The following ZAR1L variants were observed in gnomAD, a reference collection of about 807,000 sequenced individuals.
ZAR1L encodes protein ZAR1-like.
Under a neutral mutation model 30.0 loss-of-function variants are expected in ZAR1L, and 16 were observed. The observed-to-expected ratio is 0.53, with a 90% CI of 0.36 to 0.81. The LOEUF is 0.81. Ranked by LOEUF, ZAR1L falls within the 30% of genes least tolerant of loss-of-function variation. The pLI, the probability that ZAR1L is intolerant of heterozygous loss-of-function variation, is 0.00. For synonymous variants in ZAR1L, 197 were observed against 166.8 expected (o/e 1.18, Z -1.40); for missense variants, 392 against 417.2 (o/e 0.94, Z 0.53).
chr13:32,306,693 G>C (rs1278021677), intron 5 of ZAR1L, among the ~76,000 whole-genome samples: 2 of 152,176 alleles, frequency 1.3e-5, no homozygotes, highest in East Asian at 3.8e-4. Context: ...TACTTTGGGA[G>C]GCCAAGGCAG....
chr13:32,307,895 T>C (rs1412577117), intron 5 of ZAR1L, among the ~76,000 whole-genome samples: 1 of 152,148 alleles, frequency 6.6e-6, no homozygotes, highest in African/African-American at 2.4e-5. Context: ...CTCCTCCTCC[T>C]GGGTTCAAGC....
chr13:32,306,293 G>A (rs1283793932), intron 5 of ZAR1L, among the ~76,000 whole-genome samples: 2 of 152,218 alleles, frequency 1.3e-5, no homozygotes, highest in African/African-American at 4.8e-5. Flanking sequence ...GTAATTGGAA[G>A]AAAGAAGGAA....
rs1057103530 is a variant in ZAR1L at position 32,311,484 on chromosome 13, C to T, written c.442G>A (p.Asp148Asn). Residue 148 changes from aspartate (D) to asparagine (N), a missense_variant, in exon 3 of 6, where the codon GAT (aspartate) becomes AAT (asparagine). Asp to Asn is a conservative substitution (Grantham distance 23). Coordinates refer to ENST00000533490, the MANE Select transcript of ZAR1L (RefSeq NM_001136571.2). Reference sequence around the variant, plus strand: ...GCCTTGCTCTCCGCTTCGTCCCCATCTCTCCGCAGGCGGATCAAGCCCCTG... The same window carrying T: ...GCCTTGCTCTCCGCTTCGTCCCCATTTCTCCGCAGGCGGATCAAGCCCCTG... Reference protein sequence around the residue: ...GRRGLIRLRRDGDEAESKALP... With the variant: ...GRRGLIRLRRNGDEAESKALP... The T allele has an allele frequency of 3.2e-6, 5 of 1,545,850 alleles. No individual in the cohort carries two copies. The African/African-American group carries it at 5.5e-5, about 17-fold the overall frequency.
At chr13:32,304,523 A>G (rs549856324) in intron 5 of ZAR1L, among the ~76,000 whole-genome samples, 11 of 152,176 alleles carry the variant, frequency 7.2e-5, no homozygotes, top group Non-Finnish European at 1.6e-4. Flanking sequence ...CCCATCTCCA[A>G]CCCCAGTGGA....
At chr13:32,306,370 A>G (rs1010923394) in intron 5 of ZAR1L, among the ~76,000 whole-genome samples, 1 of 152,230 alleles carries the variant, frequency 6.6e-6, no homozygotes, top group African/African-American at 2.4e-5. Flanking sequence ...AAAATCTTTA[A>G]GCTGCAGTTT....
In ZAR1L at chr13:32,311,293, C is replaced by G. The variant is rs557501702; in HGVS notation, c.633G>C (p.Pro211=). Residue 211 remains proline, a synonymous_variant, in exon 3 of 6, where the codon CCG becomes CCC. Transcript: ENST00000533490. ...KQVPGDAASE[P]LRRPNFQFLE... ...CTACCTGGAAGTTGGGCCTCCGGAG[C>G]GGCTCGGAGGCGGCGTCTCCAGGCA... The G allele has an allele frequency of 6.5e-7, 1 of 1,548,588 alleles. No individual in the cohort carries two copies. Among genetic ancestry groups the G allele is most frequent in the South Asian group, 1.2e-5 (1 of 83,834 alleles).
At chr13:32,307,048 G>A (rs206144) in intron 5 of ZAR1L, among the ~76,000 whole-genome samples, 57,147 of 150,966 alleles carry the variant, frequency 0.38, 10,968 homozygotes, top group East Asian at 0.49. Context: ...GAAACAAGAA[G>A]ATACAAAGAA....
At position 32,310,691 on chromosome 13, in the gene ZAR1L, C is replaced by A. The variant is rs767985496; in HGVS notation, c.695G>T (p.Cys232Phe). The stretch of plus-strand genomic sequence containing the variant: ...GTAAGCACTCTCCCACCTGGTCTTA[C>A]AATCTTTACAGTGGAAATAGCCATA... ...PKYGYFHCKD[C>F]KTRWESAYVW... The change falls in exon 4 of 6, where the codon TGT (cysteine) becomes TTT (phenylalanine). Residue 232 changes from cysteine to phenylalanine, a missense_variant. By Grantham distance (205) the Cys-to-Phe change is radical. Transcript: ENST00000533490. The A allele has an allele frequency of 1.3e-6, 2 of 1,551,648 alleles. No individual in the cohort carries two copies. The highest frequency in any genetic ancestry group is 2.4e-5 in the South Asian group (2 of 84,054).
chr13:32,304,123 A>G (rs896592961), intron 5 of ZAR1L, 101 bp from the exon 6 acceptor site: 1 of 1,277,468 alleles, frequency 7.8e-7, no homozygotes, highest in South Asian at 1.6e-5. Context: ...CTATCCCTGA[A>G]ACCTTCATCC....
chr13:32,309,578 G>C (rs529083326), intron 4 of ZAR1L, among the ~76,000 whole-genome samples: 1 of 152,190 alleles, frequency 6.6e-6, no homozygotes, highest in Admixed American at 6.5e-5. Flanking sequence ...TTCAAATCCT[G>C]CTTGGACATC....
At chr13:32,304,632 G>A (rs74694485) in intron 5 of ZAR1L, among the ~76,000 whole-genome samples, 7,819 of 152,034 alleles carry the variant, frequency 0.051, 272 homozygotes, top group East Asian at 0.12. Context: ...TTTTCGATGT[G>A]CCCAATCTTT....
chr13:32,304,565 G>C (rs1047346606), intron 5 of ZAR1L, among the ~76,000 whole-genome samples: 28 of 152,150 alleles, frequency 1.8e-4, no homozygotes, highest in Admixed American at 7.2e-4. Flanking sequence ...ATTTTGGGTT[G>C]TTAAAACTGG....
At chr13:32,307,380 T>C (rs1046879263) in intron 5 of ZAR1L, among the ~76,000 whole-genome samples, 1 of 151,338 alleles carries the variant, frequency 6.6e-6, no homozygotes, top group African/African-American at 2.4e-5. Flanking sequence ...GCGCCTGTAG[T>C]CCTAGCTACT....
chr13:32,308,695 G>T lies in ZAR1L; in HGVS notation c.813C>A (p.Ile271=), dbSNP rs1376232132. 6.4e-7 allele frequency: 1 copy of T among 1,550,446 alleles called. No individual in the cohort carries two copies. Among genetic ancestry groups the T allele is most frequent in the South Asian group, 1.2e-5 (1 of 84,016 alleles). Residue 271 remains isoleucine (I), a synonymous_variant, in exon 5 of 6, where the codon ATC becomes ATA. Coordinates refer to ENST00000533490, the MANE Select transcript of ZAR1L (RefSeq NM_001136571.2). ...KSFNPYRVEA[I]QCQTCSKSHC... The stretch of plus-strand genomic sequence containing the variant: ...TGTTCCATATGCTCACCTGACATTG[G>T]ATTGCTTCTACTCGATAAGGGTTAA...
Position 32,303,851 on chromosome 13 carries a change from G to A in ZAR1L, c.*28C>T. ...ACAGTAAGTTACAAGAAGAGCTCAGGGGTCCATTACAAGTCACACTGTACA... is the reference window on the plus strand; with the variant it reads ...ACAGTAAGTTACAAGAAGAGCTCAGAGGTCCATTACAAGTCACACTGTACA... On this transcript the variant is annotated 3_prime_UTR_variant, in exon 6 of 6. Coordinates refer to ENST00000533490, the MANE Select transcript of ZAR1L (RefSeq NM_001136571.2). 1 of 1,545,442 alleles carries A rather than the reference G, an allele frequency of 6.5e-7. No individual in the cohort carries two copies.
intron 3 of ZAR1L, 138 bp from the exon 4 acceptor site, chr13:32,310,869 TCA>T (rs770906805): frequency 1.4e-4 from 92 of 671,400 alleles, no homozygotes; most frequent in Non-Finnish European, 2.3e-4. Flanking sequence ...CGGCATTGAT[TCA>T]GTTTCTCATC....
intron 4 of ZAR1L, 135 bp downstream of exon 4, chr13:32,310,504 T>C (rs2072204551): frequency 1.5e-6 from 1 of 657,340 alleles, no homozygotes; most frequent in African/African-American, 1.8e-5. Context: ...GCACTTCCTG[T>C]ACACCTGGCA....
At chr13:32,308,850 C>A (rs867145303) in intron 4 of ZAR1L, 90 bp from the exon 5 acceptor site, 4 of 866,286 alleles carry the variant, frequency 4.6e-6, no homozygotes, top group Middle Eastern at 2.2e-4. Flanking sequence ...TCCATTGCAT[C>A]TTGCTTTTAC....
intron 5 of ZAR1L, among the ~76,000 whole-genome samples, chr13:32,307,786 C>T (rs1243902292): frequency 6.6e-5 from 10 of 151,884 alleles, no homozygotes; most frequent in Non-Finnish European, 1.3e-4. Context: ...AGCTAGTTTT[C>T]GAAATGTCAA....
Sources: allele counts gnomAD v4.1 joint callset (sites outside exome capture counted in the v4.1 genomes callset), GRCh38; gene constraint gnomAD v4.1.1; transcripts MANE v1.5; gene names NCBI Gene and HGNC (gene_info 2026-07-23, HGNC 2026-07-21).